GTF2B: variants seen among roughly 807,000 people sequenced by gnomAD.
GTF2B encodes general transcription factor IIB.
In GTF2B, 20 loss-of-function variants were observed where a neutral mutation model predicts 34.6. That is an observed-to-expected ratio of 0.58 (90% CI 0.41 to 0.84). The LOEUF (loss-of-function observed/expected upper bound fraction) is 0.84. GTF2B is among the 40% of genes least tolerant of loss of function. The pLI, the probability that GTF2B is intolerant of heterozygous loss-of-function variation, is 0.00. For synonymous variants in GTF2B, 142 were observed against 132.4 expected, an observed-to-expected ratio of 1.07 and a Z score of -0.50; for missense variants, 237 against 393.3, an observed-to-expected ratio of 0.60 and a Z score of 3.36.
intron 2 of GTF2B, among the ~76,000 whole-genome samples, chr1:88,864,982 A>G (rs1023079437): frequency 6.6e-6 from 1 of 152,240 alleles, no homozygotes; most frequent in African/African-American, 2.4e-5. Flanking sequence ...CTACACTCCA[A>G]TTGTAAAACA....
At chr1:88,886,061 TGA>T (rs1674059030) in intron 2 of GTF2B, among the ~76,000 whole-genome samples, 1 of 152,168 alleles carries the variant, frequency 6.6e-6, no homozygotes, top group African/African-American at 2.4e-5. Context: ...GAGGATAAAC[TGA>T]GTGAATATGT....
At chr1:88,863,257 A>C (rs1673484017) in intron 3 of GTF2B, among the ~76,000 whole-genome samples, 1 of 152,230 alleles carries the variant, frequency 6.6e-6, no homozygotes. Context: ...ATGTAAAGTT[A>C]GGTAAGTCAT....
At position 88,853,176 on chromosome 1, in the gene GTF2B, G is replaced by A; in HGVS notation, c.*37C>T. The A allele has an allele frequency of 6.2e-7, 1 of 1,604,630 alleles. No homozygotes were observed. Among genetic ancestry groups the A allele is most frequent in the Non-Finnish European group, 8.5e-7 (1 of 1,171,374 alleles). The stretch of plus-strand genomic sequence containing the variant: ...GTATAGGCTATGTACAACAGGCAAA[G>A]TTTTGTATTCAAGAATTTGACGTTA... On this transcript the variant is annotated 3_prime_UTR_variant, in exon 7 of 7. Coordinates refer to ENST00000370500, the MANE Select transcript of GTF2B (RefSeq NM_001514.6).
At chr1:88,878,505 A>G (rs1673862413) in intron 2 of GTF2B, among the ~76,000 whole-genome samples, 1 of 152,266 alleles carries the variant, frequency 6.6e-6, no homozygotes. Context: ...ATACATAGCT[A>G]TTTAAATACT....
chr1:88,867,281 C>T (rs7533500), intron 2 of GTF2B, among the ~76,000 whole-genome samples: 19,657 of 152,150 alleles, frequency 0.13, 3,147 homozygotes, highest in African/African-American at 0.38. Flanking sequence ...TATGCACCTA[C>T]GTTTTCCTAA....
At chr1:88,857,063 A>G (rs1673329545) in intron 6 of GTF2B, 143 bp downstream of exon 6, 1 of 703,718 alleles carries the variant, frequency 1.4e-6, no homozygotes, top group Non-Finnish European at 2.4e-6. Flanking sequence ...GGCCTTCCAA[A>G]GTGCTGAGAT....
intron 2 of GTF2B, 52 bp downstream of exon 2, chr1:88,887,209 A>G (rs903549685): frequency 1.1e-5 from 13 of 1,184,446 alleles, no homozygotes; most frequent in African/African-American, 1.5e-5. Flanking sequence ...GTGAGCCACC[A>G]TGCTTGGCCT....
chr1:88,890,199 A>G (rs1674168457), intron 1 of GTF2B, among the ~76,000 whole-genome samples: 1 of 151,646 alleles, frequency 6.6e-6, no homozygotes, highest in Admixed American at 6.6e-5. Context: ...GTCGTATTTG[A>G]GTGATCTGGG....
chr1:88,867,688 C>T (rs1460221427), intron 2 of GTF2B, among the ~76,000 whole-genome samples: 1 of 152,112 alleles, frequency 6.6e-6, no homozygotes, highest in Non-Finnish European at 1.5e-5. Flanking sequence ...AAAGATAAAC[C>T]ATTAGTTAGC....
chr1:88,885,332 CG>C (rs1429212484), intron 2 of GTF2B, among the ~76,000 whole-genome samples: 1 of 151,652 alleles, frequency 6.6e-6, no homozygotes, highest in Non-Finnish European at 1.5e-5. Flanking sequence ...CCCAGCTATT[CG>C]GGAGGCTGAG....
intron 2 of GTF2B, among the ~76,000 whole-genome samples, chr1:88,866,187 C>T (rs1379549854): frequency 6.6e-6 from 1 of 151,818 alleles, no homozygotes; most frequent in Admixed American, 6.6e-5. Context: ...CATGGTGAAA[C>T]CCTGTCTCTA....
At chr1:88,867,316 T>C (rs1297766405) in intron 2 of GTF2B, among the ~76,000 whole-genome samples, 1 of 152,240 alleles carries the variant, frequency 6.6e-6, no homozygotes, top group Non-Finnish European at 1.5e-5. Flanking sequence ...GCCTGTTTCA[T>C]GACAAGCTCT....
rs1362259620 is a variant in GTF2B, at chr1:88,891,492, G to A, written c.8C>T (p.Ser3Phe). The change falls in exon 1 of 7, where the codon TCT (serine) becomes TTT (phenylalanine). Residue 3 changes from serine to phenylalanine, a missense_variant. Physicochemically the swap from Ser to Phe is radical, Grantham distance 155 (BLOSUM62 -2). Coordinates refer to ENST00000370500, the MANE Select transcript of GTF2B (RefSeq NM_001514.6). ...GGCGGGACATACTAACCGGCTGGTA[G>A]ACGCCATCTTCACGGCGACTGCGGT... MA[S>F]TSRLDALPRV... 3.7e-6 allele frequency: 6 copies of A among 1,602,926 alleles called. No homozygotes were observed. Among genetic ancestry groups the A allele is most frequent in the South Asian group, 1.1e-5 (1 of 89,712 alleles).
At chr1:88,872,621 T>C (rs1412212817) in intron 2 of GTF2B, among the ~76,000 whole-genome samples, 3 of 152,134 alleles carry the variant, frequency 2.0e-5, no homozygotes, top group African/African-American at 7.2e-5. Flanking sequence ...TAAAGTTTTA[T>C]TCTCTTTTAT....
intron 2 of GTF2B, among the ~76,000 whole-genome samples, chr1:88,872,763 G>A (rs571716202): frequency 1.6e-4 from 24 of 152,222 alleles, no homozygotes; most frequent in Admixed American, 8.5e-4. Flanking sequence ...TAGTTTTTTA[G>A]AGTGTTAAGT....
At chr1:88,881,395 G>C (rs375527076) in intron 2 of GTF2B, among the ~76,000 whole-genome samples, 26 of 152,186 alleles carry the variant, frequency 1.7e-4, no homozygotes, top group African/African-American at 6.3e-4. Context: ...CCCTCATCAA[G>C]TGACATATGA....
chr1:88,853,876 CAAAAA>C (rs987957999), intron 6 of GTF2B, among the ~76,000 whole-genome samples: 1 of 149,900 alleles, frequency 6.7e-6, no homozygotes, highest in South Asian at 2.1e-4. Flanking sequence ...AATACTGTCT[CAAAAA>C]AAAAGTGGGA....
chr1:88,877,167 C>T (rs1480383484), intron 2 of GTF2B, among the ~76,000 whole-genome samples: 6 of 152,140 alleles, frequency 3.9e-5, no homozygotes, highest in Non-Finnish European at 7.3e-5. Context: ...ACTCTTAATG[C>T]CCATTTATAT....
At chr1:88,884,155 T>G (rs1405658607) in intron 2 of GTF2B, among the ~76,000 whole-genome samples, 13 of 151,288 alleles carry the variant, frequency 8.6e-5, no homozygotes, top group Non-Finnish European at 1.5e-5. Context: ...GCCTCCCGAG[T>G]AAGCTGGGAT....
Sources: gnomAD v4.1 joint callset for allele counts (sites outside exome capture counted in the v4.1 genomes callset) on GRCh38, gnomAD v4.1.1 for gene constraint, MANE v1.5 for transcripts, NCBI Gene and HGNC (gene_info 2026-07-23, HGNC 2026-07-21) for gene names.